Variants in GCSH observed in about 807,000 individuals in gnomAD.
GCSH encodes glycine cleavage system protein H, also known as glycine cleavage system H protein, mitochondrial.
GCSH carries 15 observed loss-of-function variants against 21.3 expected under a neutral mutation model. That is an observed-to-expected ratio of 0.70 (90% confidence interval 0.47 to 1.08). GCSH has a LOEUF of 1.08. GCSH is among the 50% of genes least tolerant of loss of function. The pLI is 0.00. For synonymous variants in GCSH, 59 were observed against 84.5 expected (o/e 0.70, Z 1.66); for missense variants, 179 against 217.5 (o/e 0.82, Z 1.11).
chr16:81,087,618 G>A lies in GCSH; in HGVS notation c.275C>T (p.Thr92Ile). 6.2e-7 allele frequency: 1 copy of A among 1,610,282 alleles called. No individual in the cohort carries two copies. Among genetic ancestry groups the A allele is most frequent in the Non-Finnish European group, 8.5e-7 (1 of 1,176,992 alleles). ...VVYCSLPEVG[T>I]KLNKQDEFGA... is the part of the protein sequence containing the mutation. ...ACACTCACCTTGTTTGTTCAATTTT[G>A]TCCCAACTTCAGGGAGACTACAATA... is the stretch of plus-strand genomic sequence containing the variant. Residue 92 changes from threonine to isoleucine, a missense_variant, in exon 3 of 5, where the codon ACA becomes ATA. Coordinates refer to ENST00000315467, the MANE Select transcript of GCSH (RefSeq NM_004483.5).
At chr16:81,091,730 G>C (rs1300235835) in intron 1 of GCSH, among the ~76,000 whole-genome samples, 1 of 152,062 alleles carries the variant, frequency 6.6e-6, no homozygotes, top group Non-Finnish European at 1.5e-5. Flanking sequence ...GCATTCAATT[G>C]CTTTGGTTAC....
chr16:81,095,072 G>A (rs1361362284), intron 1 of GCSH, among the ~76,000 whole-genome samples: 2 of 150,142 alleles, frequency 1.3e-5, no homozygotes, highest in Non-Finnish European at 1.5e-5. Flanking sequence ...CAGCCTGGGC[G>A]ACAGAGCGAG....
In GCSH at chr16:81,096,279, G is replaced by A. The variant is rs373519843; in HGVS notation, c.-1C>T. ...CGCTCCGCACCACTCGCAGCGCCAT[G>A]TTCGCAGGGGTGCGGGGGTCGCAGC... On this transcript the variant is annotated 5_prime_UTR_variant, in exon 1 of 5. Transcript: ENST00000315467. 5.2e-4 allele frequency: 716 copies of A among 1,368,178 alleles called. 7 individuals carry two copies. In the Admixed American group the frequency reaches 0.02, roughly 38 times the overall value. 84.8% of individuals were successfully genotyped at this position (1,368,178 alleles called of 1,614,324 possible).
intron 1 of GCSH, among the ~76,000 whole-genome samples, chr16:81,092,932 G>C (rs1482550832): frequency 6.6e-6 from 1 of 151,972 alleles, no homozygotes; most frequent in Non-Finnish European, 1.5e-5. Flanking sequence ...AGGAGGTCAA[G>C]ACCAGCCTGG....
At chr16:81,096,045 C>T (rs1972499791) in intron 1 of GCSH, 86 bp downstream of exon 1, 1 of 1,121,214 alleles carries the variant, frequency 8.9e-7, no homozygotes, top group Non-Finnish European at 1.1e-6. Context: ...AGGAGCGGTG[C>T]CCCGGCGTCC....
chr16:81,083,097 C>T (rs1172938903), intron 4 of GCSH, 134 bp from the exon 5 acceptor site: 6 of 717,784 alleles, frequency 8.4e-6, no homozygotes, highest in Non-Finnish European at 1.5e-5. Context: ...GTTCATAGAA[C>T]TTTAAATTTT....
chr16:81,091,234 A>C, intron 1 of GCSH: 1 of 373,648 alleles, frequency 2.7e-6, no homozygotes, highest in Non-Finnish European at 5.1e-6. Flanking sequence ...TGGAACAACT[A>C]TAATTTGACT....
chr16:81,094,638 C>T (rs572776450), intron 1 of GCSH, among the ~76,000 whole-genome samples: 1 of 152,150 alleles, frequency 6.6e-6, no homozygotes, highest in Non-Finnish European at 1.5e-5. Flanking sequence ...AGACTATTAG[C>T]AAGACAGCAT....
chr16:81,083,051 C>G, intron 4 of GCSH, 88 bp from the exon 5 acceptor site: 1 of 834,148 alleles, frequency 1.2e-6, no homozygotes, highest in Non-Finnish European at 2.1e-6. Context: ...CTGAGCGCCT[C>G]AATCTTGTAT....
chr16:81,096,015 T>G, intron 1 of GCSH, 116 bp downstream of exon 1: 7 of 887,954 alleles, frequency 7.9e-6, no homozygotes, highest in Non-Finnish European at 1.0e-5. Flanking sequence ...GGGTCCGCGC[T>G]CGCTCCGCCC....
chr16:81,090,424 GTTGACCAGGCTGGTC>G, intron 2 of GCSH, among the ~76,000 whole-genome samples, 162 bp downstream of exon 2: 1 of 151,820 alleles, frequency 6.6e-6, no homozygotes, highest in East Asian at 1.9e-4. Flanking sequence ...GTCTCACTTT[GTTGACCAGGCTGGTC>G]TTGAACTCCT....
At chr16:81,088,001 T>C (rs1468575036) in intron 2 of GCSH, among the ~76,000 whole-genome samples, 35 of 152,010 alleles carry the variant, frequency 2.3e-4, no homozygotes, top group Admixed American at 2.3e-3. Flanking sequence ...TGGCAGGCAC[T>C]TGCAATCCCA....
chr16:81,083,095 A>C, intron 4 of GCSH, 132 bp from the exon 5 acceptor site: 1 of 723,146 alleles, frequency 1.4e-6, no homozygotes, highest in East Asian at 2.6e-5. Flanking sequence ...TTGTTCATAG[A>C]ACTTTAAATT....
At chr16:81,091,902 G>A (rs1473571561) in intron 1 of GCSH, among the ~76,000 whole-genome samples, 3 of 152,032 alleles carry the variant, frequency 2.0e-5, no homozygotes, top group Non-Finnish European at 2.9e-5. Flanking sequence ...AATAGTGTGT[G>A]AGCCACCGTG....
chr16:81,093,083 G>A (rs1225449003), intron 1 of GCSH, among the ~76,000 whole-genome samples: 2 of 146,686 alleles, frequency 1.4e-5, no homozygotes, highest in East Asian at 2.0e-4. Flanking sequence ...AGTGAGCCGA[G>A]ATTGCACCAT....
intron 1 of GCSH, among the ~76,000 whole-genome samples, chr16:81,095,370 C>T (rs12923876): frequency 0.88 from 131,276 of 149,360 alleles, 57,698 homozygotes; most frequent in South Asian, 0.97. Flanking sequence ...CTAGATCTGG[C>T]GCTTTAATTT....
At chr16:81,092,906 C>A (rs1047760509) in intron 1 of GCSH, among the ~76,000 whole-genome samples, 2 of 151,164 alleles carry the variant, frequency 1.3e-5, no homozygotes, top group Non-Finnish European at 2.9e-5. Flanking sequence ...CCAAGGCAGG[C>A]GGATCACCTG....
In GCSH at chr16:81,087,585, T is replaced by G; in HGVS notation, c.292+16A>C. The G allele has an allele frequency of 6.5e-7, 1 of 1,544,802 alleles. No individual in the cohort carries two copies. Among genetic ancestry groups the G allele is most frequent in the Non-Finnish European group, 8.9e-7 (1 of 1,118,270 alleles). On this transcript the variant is annotated intron_variant, in intron 3 of 4. Transcript: ENST00000315467. ...ATTCATGGCATGGATCATTCTAAGA[T>G]CCTAAGAACACTCACCTTGTTTGTT...
chr16:81,090,646 T>G lies in GCSH; in HGVS notation c.183A>C (p.Thr61=). ...CCACTGTTCCAATGCCATTTTCTGTTGTTACCCATTCGTGTTTCTCTGTGA... is the reference window on the plus strand; with the variant it reads ...CCACTGTTCCAATGCCATTTTCTGTGGTTACCCATTCGTGTTTCTCTGTGA... The part of the protein sequence containing the change: ...RKFTEKHEWV[T]TENGIGTVGI... The change falls in exon 2 of 5, where the codon ACA becomes ACC. Residue 61 remains threonine, a synonymous_variant. Coordinates refer to ENST00000315467, the MANE Select transcript of GCSH (RefSeq NM_004483.5). 6.2e-7 allele frequency: 1 copy of G among 1,613,188 alleles called. No individual in the cohort carries two copies. The highest frequency in any genetic ancestry group is 8.5e-7 in the Non-Finnish European group (1 of 1,179,160).
Sources: gnomAD v4.1 joint callset for allele counts (sites outside exome capture counted in the v4.1 genomes callset) on GRCh38, gnomAD v4.1.1 for gene constraint, MANE v1.5 for transcripts, NCBI Gene and HGNC (gene_info 2026-07-23, HGNC 2026-07-21) for gene names.